Variants in NCOR2 observed in about 807,000 individuals in gnomAD.
The protein encoded by NCOR2 is nuclear receptor corepressor 2, also known as CTG repeat protein 26.
In NCOR2, 81 loss-of-function variants were observed where a neutral mutation model predicts 262.9. The ratio of observed to expected loss-of-function variants is 0.31; its 90% confidence interval spans 0.26 to 0.37. NCOR2 has a LOEUF of 0.37. NCOR2 is among the 10% of genes least tolerant of loss of function. The pLI is 1.00. For synonymous variants in NCOR2, 1,659 were observed against 1,559.3 expected, an observed-to-expected ratio of 1.06 and a Z score of -1.51; for missense variants, 3,385 against 3,621.4, an observed-to-expected ratio of 0.93 and a Z score of 1.68.
At chr12:124,513,862 C>G (rs1400972795) in intron 1 of NCOR2, 2 of 152,154 alleles carry the variant, frequency 1.3e-5, no homozygotes, top group Non-Finnish European at 2.9e-5. Context: ...CAGTGGCAGT[C>G]AGAGAAAAAG....
At chr12:124,390,017 TA>T (rs1204192686) in intron 16 of NCOR2, among the ~76,000 whole-genome samples, 4 of 152,092 alleles carry the variant, frequency 2.6e-5, no homozygotes, top group East Asian at 1.9e-4. Context: ...TCCTGCCCCC[TA>T]AAAATCTGGG....
chr12:124,348,518 CA>C, intron 28 of NCOR2: 1 of 632,616 alleles, frequency 1.6e-6, no homozygotes, highest in Non-Finnish European at 2.6e-6. Context: ...GGAGCTTTTC[CA>C]GGGGGTTGCA....
At chr12:124,460,011 A>G (rs995398179) in intron 5 of NCOR2, among the ~76,000 whole-genome samples, 1 of 152,108 alleles carries the variant, frequency 6.6e-6, no homozygotes, top group Non-Finnish European at 1.5e-5. Context: ...GTCTTGACTC[A>G]GCCTCCCCTC....
intron 13 of NCOR2, among the ~76,000 whole-genome samples, chr12:124,414,418 T>TCGCCA (rs1471420538): frequency 1.3e-5 from 2 of 152,144 alleles, no homozygotes; most frequent in East Asian, 3.8e-4. Flanking sequence ...ATCATCGCCA[T>TCGCCA]CGCCACCATA....
chr12:124,337,386 C>G, intron 37 of NCOR2: 4 of 730,570 alleles, frequency 5.5e-6, no homozygotes, highest in Non-Finnish European at 9.7e-6. Context: ...TTGCATCATT[C>G]CAAAACTTCT....
At chr12:124,365,951 C>T (rs1449718918) in intron 20 of NCOR2, among the ~76,000 whole-genome samples, 1 of 152,178 alleles carries the variant, frequency 6.6e-6, no homozygotes, top group Non-Finnish European at 1.5e-5. Flanking sequence ...CTATGTCCCT[C>T]CCCACAGGTT....
At position 124,517,916 on chromosome 12, in the gene NCOR2, T is replaced by C. The variant is rs569843578; in HGVS notation, c.-118+17649A>G. ...CCAGGGGAGGGTCCAGCTGCCCCCA[T>C]TGGCTGACCTGCGGCCGGCCACTCA... On this transcript the variant is annotated intron_variant, in intron 1 of 46. Coordinates refer to the NCOR2 transcript ENST00000404621. The surrounding 1 kb of genome is among the most constrained non-coding windows in gnomAD (Gnocchi z 7.6). Among the ~76,000 whole-genome samples, 5 of 152,088 alleles carry C rather than the reference T, an allele frequency of 3.3e-5. No homozygotes were observed. The highest frequency in any genetic ancestry group is 6.5e-5 in the Admixed American group (1 of 15,270).
chr12:124,433,873 C>CACACACAA lies in NCOR2; in HGVS notation c.883-3087_883-3086insTTGTGTGT, dbSNP rs1430015699. On this transcript the variant is annotated intron_variant, in intron 8 of 46. Transcript: ENST00000405201. The stretch of plus-strand genomic sequence containing the variant: ...ACACACACACACACACACACACACA[C>CACACACAA]ACACACACACACACACACACACACA... Among the ~76,000 whole-genome samples the CACACACAA allele has an allele frequency of 1.3e-4, 13 of 96,340 alleles. 1 individual carries two copies. The highest frequency in any genetic ancestry group is 7.4e-4 in the South Asian group (2 of 2,720). 63.2% of individuals were successfully genotyped at this position (96,340 alleles called of 152,430 possible).
At position 124,480,574 on chromosome 12, in the gene NCOR2, C is replaced by T. The variant is rs541669449; in HGVS notation, c.411+3022G>A. Among the ~76,000 whole-genome samples, 4 of 152,188 alleles carry T rather than the reference C, an allele frequency of 2.6e-5. No individual in the cohort carries two copies. The East Asian group carries it at 7.7e-4, about 29-fold the overall frequency. On this transcript the variant is annotated intron_variant, in intron 3 of 46. Transcript: ENST00000405201. ...CCACAGGTGCTTAATCTGTGCACATCCTCACCACCGCCACCGTCTAGGTTC... is the reference window on the plus strand; with the variant it reads ...CCACAGGTGCTTAATCTGTGCACATTCTCACCACCGCCACCGTCTAGGTTC...
chr12:124,443,563 C>T lies in NCOR2; in HGVS notation c.816-5567G>A, dbSNP rs1302169374. Among the ~76,000 whole-genome samples, 6 of 152,054 alleles carry T rather than the reference C, an allele frequency of 3.9e-5. No homozygotes were observed. The highest frequency in any genetic ancestry group is 8.8e-5 in the Non-Finnish European group (6 of 68,002). ...TGTCACCTAGGCTGGAGTGCAGTGG[C>T]GCAATCTCGGCTCACTGCAACCTCT... On this transcript the variant is annotated intron_variant, in intron 7 of 46. Transcript: ENST00000405201. The surrounding 1 kb of genome is among the most constrained non-coding windows in gnomAD (Gnocchi z 4.4).
At chr12:124,511,707 C>T in intron 1 of NCOR2, among the ~76,000 whole-genome samples, 1 of 152,158 alleles carries the variant, frequency 6.6e-6, no homozygotes, top group South Asian at 2.1e-4. Context: ...GTCCAGACTC[C>T]CCGAATGGGG....
chr12:124,374,354 C>A (rs1229924874), intron 19 of NCOR2, 59 bp downstream of exon 21: 1 of 1,561,646 alleles, frequency 6.4e-7, no homozygotes, highest in Non-Finnish European at 8.8e-7. Context: ...GGACCGGGGA[C>A]CTTGGGATGC....
chr12:124,418,797 G>A (rs2043049937), intron 13 of NCOR2, among the ~76,000 whole-genome samples: 1 of 152,190 alleles, frequency 6.6e-6, no homozygotes, highest in Non-Finnish European at 1.5e-5. Context: ...TAGAAAAGCT[G>A]GTCCCTCCAG....
intron 13 of NCOR2, among the ~76,000 whole-genome samples, chr12:124,417,189 G>GGACACTCACTCCACGGACAGCAGGCCA (rs2042943478): frequency 7.7e-6 from 1 of 129,642 alleles, no homozygotes; most frequent in South Asian, 2.6e-4. Flanking sequence ...AGAGCAGGCC[G>GGACACTCACTCCACGGACAGCAGGCCA]GACACTCACT....
chr12:124,343,280 A>C, intron 32 of NCOR2, 54 bp from the exon 35 acceptor site: 1 of 1,509,488 alleles, frequency 6.6e-7, no homozygotes, highest in Non-Finnish European at 9.0e-7. Flanking sequence ...ATTTACGGGG[A>C]GTTGTTTGAG....
chr12:124,357,046 C>T (rs1278352178), intron 22 of NCOR2, among the ~76,000 whole-genome samples: 2 of 152,258 alleles, frequency 1.3e-5, no homozygotes, highest in Non-Finnish European at 2.9e-5. Flanking sequence ...ACGGGACCCT[C>T]TGGCTTTGCA....
chr12:124,340,101 G>T, exon 37 of NCOR2: 1 of 1,612,922 alleles, frequency 6.2e-7, no homozygotes, highest in Non-Finnish European at 8.5e-7. Context: ...GGGCATCCTG[G>T]GTCCGAGGGG....
Position 124,482,255 on chromosome 12 carries a change from C to G in NCOR2, c.411+1341G>C, listed in dbSNP as rs1298315002. On this transcript the variant is annotated intron_variant, in intron 3 of 46. Transcript: ENST00000405201. The surrounding 1 kb of genome is among the most constrained non-coding windows in gnomAD (Gnocchi z 6.3). ...ACAGACACCCCAGCCCCTCCCTCCC[C>G]TGGCCCCAGAGGCAGCCCTGTGGGT... is the stretch of plus-strand genomic sequence containing the variant. Among the ~76,000 whole-genome samples the G allele has an allele frequency of 1.3e-5, 2 of 152,150 alleles. No individual in the cohort carries two copies. Among genetic ancestry groups the G allele is most frequent in the Non-Finnish European group, 2.9e-5 (2 of 67,998 alleles).
At chr12:124,446,896 A>C (rs927164891) in intron 7 of NCOR2, among the ~76,000 whole-genome samples, 2 of 152,312 alleles carry the variant, frequency 1.3e-5, no homozygotes. Context: ...TTATTCATCT[A>C]TTTGTTTTAT....
Sources: allele counts gnomAD v4.1 joint callset (sites outside exome capture counted in the v4.1 genomes callset), GRCh38; gene constraint gnomAD v4.1.1; non-coding constraint Gnocchi (gnomAD v3.1); transcripts MANE v1.5; gene names NCBI Gene and HGNC (gene_info 2026-07-23, HGNC 2026-07-21).